The following GPC5 variants were observed in gnomAD, a reference collection of about 807,000 sequenced individuals.
The protein encoded by GPC5 is glypican-5.
Under a neutral mutation model 53.9 loss-of-function variants are expected in GPC5, and 47 were observed. The ratio of observed to expected loss-of-function variants is 0.87; its 90% CI spans 0.69 to 1.11. GPC5 has a LOEUF of 1.11. Among genes scored for constraint, GPC5 ranks in the 50% most tolerant of loss-of-function variants. GPC5 has a pLI of 0.00. For synonymous variants in GPC5, 286 were observed against 263.3 expected, an observed-to-expected ratio of 1.09 and a Z score of -0.84; for missense variants, 748 against 713.1, an observed-to-expected ratio of 1.05 and a Z score of -0.56.
intron 7 of GPC5, among the ~76,000 whole-genome samples, chr13:92,243,891 G>T (rs1463522321): frequency 6.6e-6 from 1 of 152,082 alleles, no homozygotes; most frequent in East Asian, 1.9e-4. Flanking sequence ...TAAAATTTGG[G>T]GTATGCCATT....
chr13:92,193,517 T>A (rs2042238013), intron 7 of GPC5, among the ~76,000 whole-genome samples: 2 of 152,188 alleles, frequency 1.3e-5, no homozygotes, highest in African/African-American at 4.8e-5. Context: ...TATTGGATAA[T>A]GGACAAGAGA....
chr13:92,285,892 G>A (rs2042950680), intron 7 of GPC5, among the ~76,000 whole-genome samples: 2 of 151,710 alleles, frequency 1.3e-5, no homozygotes, highest in South Asian at 4.1e-4. Flanking sequence ...TGACAAATGG[G>A]ATCTAATTAA....
intron 5 of GPC5, among the ~76,000 whole-genome samples, chr13:91,814,371 C>A (rs1349040260): frequency 6.6e-6 from 1 of 152,066 alleles, no homozygotes; most frequent in Non-Finnish European, 1.5e-5. Context: ...TAGCTAGCTC[C>A]CATTTGCAGG....
chr13:91,987,030 C>A (rs2040414637), intron 6 of GPC5, among the ~76,000 whole-genome samples: 1 of 152,162 alleles, frequency 6.6e-6, no homozygotes, highest in South Asian at 2.1e-4. Flanking sequence ...ATCAAGGTTA[C>A]ACAAAGATTA....
intron 2 of GPC5, among the ~76,000 whole-genome samples, chr13:91,544,940 C>A (rs1000209949): frequency 1.3e-5 from 2 of 152,150 alleles, no homozygotes; most frequent in Non-Finnish European, 2.9e-5. Context: ...TGTTGACTGG[C>A]AAACTCAGTT....
chr13:92,858,359 A>G (rs1879071947), intron 7 of GPC5, among the ~76,000 whole-genome samples: 1 of 152,154 alleles, frequency 6.6e-6, no homozygotes, highest in African/African-American at 2.4e-5. Flanking sequence ...CATGATGGTG[A>G]GGCCTCCCCA....
At chr13:91,910,949 TAAG>T (rs999299792) in intron 6 of GPC5, among the ~76,000 whole-genome samples, 6 of 151,900 alleles carry the variant, frequency 3.9e-5, no homozygotes, top group African/African-American at 1.4e-4. Context: ...GAAAGATATT[TAAG>T]AAGAATGTGC....
chr13:92,104,505 C>T (rs954811165), intron 6 of GPC5, among the ~76,000 whole-genome samples: 9 of 152,124 alleles, frequency 5.9e-5, no homozygotes, highest in Non-Finnish European at 7.3e-5. Context: ...TCAAGAGGCT[C>T]TCTATGTAAG....
rs1304566949 is a variant in GPC5 at position 91,483,161 on chromosome 13, TTTA to T, written c.325+34241_325+34243del. On this transcript the variant is annotated intron_variant, in intron 2 of 7. Transcript: ENST00000377067. ...AAAACAGTCATCTAATTAAAAGTTC[TTTA>T]TGGTAAGACTTTAGGAAGGCATCAT... Among the ~76,000 whole-genome samples the T allele has an allele frequency of 3.9e-5, 6 of 152,292 alleles. No individual in the cohort carries two copies. In the East Asian group the frequency reaches 1.2e-3, roughly 29 times the overall value.
chr13:92,622,005 G>A (rs1252684967), intron 7 of GPC5, among the ~76,000 whole-genome samples: 3 of 151,994 alleles, frequency 2.0e-5, no homozygotes, highest in African/African-American at 7.3e-5. Context: ...AGCTCCCCTC[G>A]ACTAATGCTT....
intron 6 of GPC5, among the ~76,000 whole-genome samples, chr13:91,958,617 A>G (rs1449465919): frequency 6.6e-6 from 1 of 152,112 alleles, no homozygotes; most frequent in African/African-American, 2.4e-5. Context: ...GATAGGTCAT[A>G]TGTTAGGACA....
At chr13:91,579,674 G>T (rs1566524482) in intron 2 of GPC5, among the ~76,000 whole-genome samples, 1 of 137,646 alleles carries the variant, frequency 7.3e-6, no homozygotes, top group Admixed American at 8.1e-5. Context: ...TGTCACCCAG[G>T]CTGGAGTGAA....
At chr13:92,327,586 A>G (rs1189799385) in intron 7 of GPC5, among the ~76,000 whole-genome samples, 1 of 152,150 alleles carries the variant, frequency 6.6e-6, no homozygotes, top group Non-Finnish European at 1.5e-5. Context: ...TGCAGTAGCT[A>G]ACATAATAAT....
At chr13:92,789,870 A>G (rs1218800836) in intron 7 of GPC5, among the ~76,000 whole-genome samples, 2 of 152,148 alleles carry the variant, frequency 1.3e-5, no homozygotes, top group East Asian at 3.9e-4. Context: ...CAGGGAAGCC[A>G]GTCCAAGTCC....
chr13:92,640,888 A>T (rs1482287200), intron 7 of GPC5, among the ~76,000 whole-genome samples: 1 of 151,314 alleles, frequency 6.6e-6, no homozygotes, highest in Non-Finnish European at 1.5e-5. Flanking sequence ...AAACAGATAT[A>T]TGCATACATA....
At chr13:92,820,949 G>C (rs1318407333) in intron 7 of GPC5, among the ~76,000 whole-genome samples, 1 of 152,092 alleles carries the variant, frequency 6.6e-6, no homozygotes, top group Non-Finnish European at 1.5e-5. Context: ...AGCAGAAATT[G>C]GGAAAGTCAA....
At position 92,381,890 on chromosome 13, in the gene GPC5, T is replaced by G. The variant is rs796136714; in HGVS notation, c.1561+236901T>G. 3.9e-4 allele frequency among the ~76,000 whole-genome samples: 17 copies of G among 43,724 alleles called. 4 individuals carry two copies. The East Asian group carries it at 0.014, about 36-fold the overall frequency. The allele number at this position is 43,724 out of a possible 152,430, so 28.7% of individuals were successfully genotyped here. A position where few individuals can be genotyped will look rare whatever the true frequency, so the allele number is the denominator to read the frequency against. On this transcript the variant is annotated intron_variant, in intron 7 of 7. Transcript: ENST00000377067. ...ATATCATATATATGATTATATATAT[T>G]ATATATAATCATATATATGATATAT...
chr13:91,401,942 A>G (rs1204697656), intron 1 of GPC5, among the ~76,000 whole-genome samples: 1 of 129,254 alleles, frequency 7.7e-6, no homozygotes, highest in African/African-American at 2.5e-5. Flanking sequence ...TTTATTTTCT[A>G]AGTAGTAGTC....
At chr13:91,900,069 T>C (rs1490466302) in intron 5 of GPC5, among the ~76,000 whole-genome samples, 3 of 152,174 alleles carry the variant, frequency 2.0e-5, no homozygotes, top group African/African-American at 7.2e-5. Context: ...TATCGTATCT[T>C]GCAAGTAATT....
Sources: gnomAD v4.1 joint callset for allele counts (sites outside exome capture counted in the v4.1 genomes callset) on GRCh38, gnomAD v4.1.1 for gene constraint, MANE v1.5 for transcripts, NCBI Gene and HGNC (gene_info 2026-07-23, HGNC 2026-07-21) for gene names.